The following CNTN5 variants were observed in gnomAD, a reference collection of about 807,000 sequenced individuals.
CNTN5 encodes the protein contactin 5.
Under a neutral mutation model 129.1 loss-of-function variants are expected in CNTN5, and 77 were observed. That is an observed-to-expected ratio of 0.60 (90% CI 0.50 to 0.72). The LOEUF (loss-of-function observed/expected upper bound fraction) is 0.72. Among genes scored for constraint, CNTN5 ranks in the 30% least tolerant of loss-of-function variants. The pLI is 0.00. For missense variants in CNTN5, 1,478 were observed against 1,328.8 expected (o/e 1.11, Z -1.75); for synonymous variants, 509 against 465.6 (o/e 1.09, Z -1.20).
intron 6 of CNTN5, among the ~76,000 whole-genome samples, chr11:99,880,951 A>G (rs1948756764): frequency 1.3e-5 from 2 of 152,180 alleles, no homozygotes; most frequent in South Asian, 4.1e-4. Context: ...AAGTGTACCT[A>G]AAAATTGTCA....
intron 3 of CNTN5, among the ~76,000 whole-genome samples, chr11:99,645,283 A>G (rs1265381129): frequency 2.0e-5 from 3 of 150,996 alleles, no homozygotes; most frequent in Admixed American, 1.3e-4. Flanking sequence ...AAAAAAAAAA[A>G]AAAAGATTGA....
chr11:99,152,476 T>A (rs1258001584), intron 1 of CNTN5, among the ~76,000 whole-genome samples: 1 of 152,238 alleles, frequency 6.6e-6, no homozygotes, highest in Non-Finnish European at 1.5e-5. Context: ...TCTGCTTTTT[T>A]CTGTTTTCCA....
chr11:99,131,249 G>GAAAA (rs71046664), intron 1 of CNTN5, among the ~76,000 whole-genome samples: 5 of 67,194 alleles, frequency 7.4e-5, no homozygotes, highest in Admixed American at 2.4e-4. Flanking sequence ...CTCCATCTCA[G>GAAAA]AAAAAAAAAA....
intron 3 of CNTN5, among the ~76,000 whole-genome samples, chr11:99,709,977 G>T (rs144241457): frequency 6.6e-6 from 1 of 151,866 alleles, no homozygotes; most frequent in African/African-American, 2.4e-5. Context: ...TGCATAAGCT[G>T]TGTCTTTACA....
intron 24 of CNTN5, among the ~76,000 whole-genome samples, chr11:100,354,784 C>G (rs1952487329): frequency 6.6e-6 from 1 of 151,562 alleles, no homozygotes; most frequent in South Asian, 2.1e-4. Context: ...TGATACTGTA[C>G]TGAATACTGT....
At chr11:100,124,839 G>A (rs1002699965) in intron 13 of CNTN5, among the ~76,000 whole-genome samples, 7 of 152,058 alleles carry the variant, frequency 4.6e-5, no homozygotes, top group Non-Finnish European at 1.5e-5. Flanking sequence ...TTGCTCATGT[G>A]AATAGGTATA....
rs1389788 is a variant in CNTN5, at chr11:99,659,700, G to T, written c.55+103431G>T. Among the ~76,000 whole-genome samples the T allele has an allele frequency of 6.8e-3, 1,042 of 152,182 alleles. 69 individuals are homozygous for T. In the East Asian group the frequency reaches 0.17, roughly 24 times the overall value. ...GAAACCTCAGTCTTTTTTATCTTAAGGCCCTCATAGACTGGAGGAGACCCA... is the reference window on the plus strand; with the variant it reads ...GAAACCTCAGTCTTTTTTATCTTAATGCCCTCATAGACTGGAGGAGACCCA... On this transcript the variant is annotated intron_variant, in intron 3 of 24. Coordinates refer to ENST00000524871, the MANE Select transcript of CNTN5 (RefSeq NM_014361.4).
At chr11:100,145,686 A>T (rs1352735706) in intron 13 of CNTN5, among the ~76,000 whole-genome samples, 1 of 152,114 alleles carries the variant, frequency 6.6e-6, no homozygotes, top group Non-Finnish European at 1.5e-5. Flanking sequence ...AGAAAGGCTT[A>T]TTGACTTGCT....
At chr11:99,710,397 G>A (rs1954925677) in intron 3 of CNTN5, among the ~76,000 whole-genome samples, 2 of 151,756 alleles carry the variant, frequency 1.3e-5, no homozygotes, top group Non-Finnish European at 2.9e-5. Context: ...CAGCCATACT[G>A]TTGTAGCATT....
chr11:99,638,905 G>A (rs184910327), intron 3 of CNTN5, among the ~76,000 whole-genome samples: 8 of 152,250 alleles, frequency 5.3e-5, no homozygotes, highest in African/African-American at 1.7e-4. Flanking sequence ...TCTGGAAGAT[G>A]GTGGCCCTCT....
intron 13 of CNTN5, among the ~76,000 whole-genome samples, chr11:100,088,018 A>G (rs1449612037): frequency 1.3e-5 from 2 of 150,216 alleles, no homozygotes; most frequent in African/African-American, 4.9e-5. Flanking sequence ...TTTTGAGTAA[A>G]ACAATAAAAT....
intron 9 of CNTN5, among the ~76,000 whole-genome samples, chr11:100,056,148 C>G (rs556884439): frequency 6.6e-6 from 1 of 151,420 alleles, no homozygotes; most frequent in Non-Finnish European, 1.5e-5. Flanking sequence ...TGAATATTTA[C>G]TTTTATTGTC....
At chr11:99,995,885 G>T (rs774028247) in intron 8 of CNTN5, among the ~76,000 whole-genome samples, 1 of 152,140 alleles carries the variant, frequency 6.6e-6, no homozygotes, top group Admixed American at 6.6e-5. Context: ...GACCTATCCA[G>T]TCTCACTGCT....
At chr11:100,089,408 T>A (rs75405511) in intron 13 of CNTN5, among the ~76,000 whole-genome samples, 5,751 of 152,140 alleles carry the variant, frequency 0.038, 128 homozygotes, top group African/African-American at 0.067. Flanking sequence ...TATAAAACAA[T>A]GGATGCTTGT....
intron 3 of CNTN5, among the ~76,000 whole-genome samples, chr11:99,707,134 T>C (rs1021096934): frequency 6.6e-6 from 1 of 151,524 alleles, no homozygotes; most frequent in African/African-American, 2.4e-5. Flanking sequence ...TGTCAGAAGA[T>C]GAAAAGTACA....
intron 1 of CNTN5, among the ~76,000 whole-genome samples, chr11:99,237,038 A>T (rs1861305659): frequency 1.3e-5 from 2 of 151,762 alleles, no homozygotes; most frequent in Admixed American, 1.3e-4. Flanking sequence ...GTTATTAGTG[A>T]TATAGAAAAG....
Position 99,070,535 on chromosome 11 carries a change from AAAAAG to A in CNTN5, c.-210+49267_-210+49271del, listed in dbSNP as rs1865301255. 2.0e-5 allele frequency among the ~76,000 whole-genome samples: 3 copies of A among 152,228 alleles called. No individual in the cohort carries two copies. The South Asian group carries it at 6.2e-4, about 32-fold the overall frequency. On this transcript the variant is annotated intron_variant, in intron 1 of 24. Coordinates refer to ENST00000524871, the MANE Select transcript of CNTN5 (RefSeq NM_014361.4). Reference sequence around the variant, plus strand: ...TTTCCATATGCATGCAGATAAAAAAAAAAAGATAGATGGACCAAGAGATAGACAAA... The same window carrying A: ...TTTCCATATGCATGCAGATAAAAAAAATAGATGGACCAAGAGATAGACAAA...
chr11:99,935,085 G>T (rs956228917), intron 7 of CNTN5, among the ~76,000 whole-genome samples: 1 of 150,616 alleles, frequency 6.6e-6, no homozygotes, highest in African/African-American at 2.4e-5. Context: ...TCACATAGAT[G>T]TATATCTATA....
intron 6 of CNTN5, among the ~76,000 whole-genome samples, chr11:99,849,883 C>A (rs1947818025): frequency 6.6e-6 from 1 of 152,010 alleles, no homozygotes; most frequent in Non-Finnish European, 1.5e-5. Flanking sequence ...TATTGGATTT[C>A]TTTTTTGACT....
Sources: gnomAD v4.1 joint callset for allele counts (sites outside exome capture counted in the v4.1 genomes callset) on GRCh38, gnomAD v4.1.1 for gene constraint, MANE v1.5 for transcripts, NCBI Gene and HGNC (gene_info 2026-07-23, HGNC 2026-07-21) for gene names.